PCDH15: variants seen among roughly 807,000 people sequenced by gnomAD.
The protein encoded by PCDH15 is protocadherin related 15.
A neutral mutation model predicts 178.5 loss-of-function variants in PCDH15; 129 were observed. The observed-to-expected ratio is 0.72, with a 90% confidence interval of 0.63 to 0.84. The LOEUF (loss-of-function observed/expected upper bound fraction) is 0.84, where lower values mean the gene tolerates loss of function less well. Ranked by LOEUF, PCDH15 falls within the 40% of genes least tolerant of loss-of-function variation. The probability of loss-of-function intolerance (pLI) is 0.00; values close to 1 mark genes in which losing one functional copy is unlikely to be tolerated. For missense variants in PCDH15, 2,230 were observed against 2,099.9 expected (o/e 1.06, Z -1.21); for synonymous variants, 800 against 732.0 (o/e 1.09, Z -1.50).
chr10:55,398,674 C>A (rs888653789), intron 2 of PCDH15, among the ~76,000 whole-genome samples: 1 of 152,102 alleles, frequency 6.6e-6, no homozygotes, highest in Admixed American at 6.5e-5. Flanking sequence ...CCTTTCATTG[C>A]ACTACTCACC....
chr10:55,412,673 C>T (rs1565112666), intron 2 of PCDH15, among the ~76,000 whole-genome samples: 1 of 151,746 alleles, frequency 6.6e-6, no homozygotes, highest in Non-Finnish European at 1.5e-5. Context: ...GAGAGGTTAA[C>T]ACAAAACTCT....
intron 18 of PCDH15, among the ~76,000 whole-genome samples, chr10:54,044,075 G>T (rs1384156896): frequency 6.6e-6 from 1 of 152,212 alleles, no homozygotes; most frequent in East Asian, 1.9e-4. Flanking sequence ...ATGCCTTATA[G>T]TATTGGCAGC....
At chr10:54,998,395 T>TA (rs891140964) in intron 2 of PCDH15, among the ~76,000 whole-genome samples, 34 of 151,690 alleles carry the variant, frequency 2.2e-4, no homozygotes, top group African/African-American at 8.0e-4. Flanking sequence ...TAAATAATAA[T>TA]AAAAAAAAGA....
intron 21 of PCDH15, among the ~76,000 whole-genome samples, chr10:53,994,325 T>C (rs1055784523): frequency 3.9e-5 from 6 of 152,184 alleles, no homozygotes; most frequent in African/African-American, 1.4e-4. Context: ...TCTGTGCTGA[T>C]GAAAATTTTT....
intron 2 of PCDH15, among the ~76,000 whole-genome samples, chr10:54,529,049 G>A (rs185895914): frequency 6.6e-6 from 1 of 152,068 alleles, no homozygotes; most frequent in Admixed American, 6.6e-5. Flanking sequence ...CCAAATTTGT[G>A]TGTTATTTGG....
intron 2 of PCDH15, among the ~76,000 whole-genome samples, chr10:55,459,241 A>AAG (rs1554872423): frequency 7.4e-6 from 1 of 134,242 alleles, no homozygotes; most frequent in Non-Finnish European, 1.5e-5. Context: ...GCAAAAAAAA[A>AAG]AAAGAAGGAA....
chr10:55,512,849 G>A (rs1840917238), intron 2 of PCDH15: 1 of 152,022 alleles, frequency 6.6e-6, no homozygotes, highest in African/African-American at 2.4e-5. Context: ...CTCCTCTACA[G>A]GAAACCAAGA....
chr10:54,766,794 T>C (rs1443561279), intron 1 of PCDH15, among the ~76,000 whole-genome samples: 1 of 151,932 alleles, frequency 6.6e-6, no homozygotes, highest in Non-Finnish European at 1.5e-5. Flanking sequence ...CCAGGCGCGG[T>C]GGCAGGCGCC....
intron 28 of PCDH15, among the ~76,000 whole-genome samples, chr10:53,853,690 G>C (rs2078542942): frequency 6.6e-6 from 1 of 151,968 alleles, no homozygotes; most frequent in Admixed American, 6.6e-5. Flanking sequence ...ATAACCATCA[G>C]AGAAATCAAA....
intron 8 of PCDH15, among the ~76,000 whole-genome samples, chr10:54,311,749 A>T (rs1238517787): frequency 6.6e-6 from 1 of 152,098 alleles, no homozygotes; most frequent in Non-Finnish European, 1.5e-5. Context: ...TTGTGAAAAC[A>T]TTAATTTGCC....
At chr10:55,372,149 C>A (rs997071989) in intron 2 of PCDH15, among the ~76,000 whole-genome samples, 4 of 152,052 alleles carry the variant, frequency 2.6e-5, no homozygotes, top group Non-Finnish European at 5.9e-5. Context: ...ATCTTCATAA[C>A]AAACCTGGAA....
intron 2 of PCDH15, among the ~76,000 whole-genome samples, chr10:54,910,779 G>T (rs1347070881): frequency 6.6e-6 from 1 of 152,098 alleles, no homozygotes; most frequent in Non-Finnish European, 1.5e-5. Flanking sequence ...TTAACTATTT[G>T]TTGAATAAAT....
rs371850716 is a variant in PCDH15, at chr10:54,382,093, T to G, written c.158-3151A>C. On this transcript the variant is annotated intron_variant, in intron 3 of 37. Coordinates refer to ENST00000644397, the MANE Select transcript of PCDH15 (RefSeq NM_001384140.1). ...AAAAATATTAGCACAGTTAAATATT[T>G]ATTGACATTTTCAACACATTTCTTG... 1.6e-4 allele frequency among the ~76,000 whole-genome samples: 25 copies of G among 152,274 alleles called. No individual in the cohort carries two copies. The South Asian group carries it at 5.2e-3, about 32-fold the overall frequency.
chr10:54,892,975 A>T (rs1190583200), intron 3 of PCDH15, among the ~76,000 whole-genome samples: 3 of 152,094 alleles, frequency 2.0e-5, no homozygotes, highest in Non-Finnish European at 4.4e-5. Flanking sequence ...AATGTAATAT[A>T]ATACATCTCC....
At chr10:54,414,836 AT>A (rs1954084497) in intron 3 of PCDH15, among the ~76,000 whole-genome samples, 2 of 152,116 alleles carry the variant, frequency 1.3e-5, no homozygotes, top group African/African-American at 4.8e-5. Context: ...ATGATATAAG[AT>A]TTAGGCTGGC....
At chr10:55,114,089 C>T (rs369921769) in intron 2 of PCDH15, among the ~76,000 whole-genome samples, 4 of 152,130 alleles carry the variant, frequency 2.6e-5, no homozygotes, top group African/African-American at 9.7e-5. Context: ...GCTGGGACTA[C>T]AGGCACCCGC....
chr10:55,443,015 A>C (rs908708326), intron 2 of PCDH15, among the ~76,000 whole-genome samples: 1 of 152,178 alleles, frequency 6.6e-6, no homozygotes, highest in Non-Finnish European at 1.5e-5. Flanking sequence ...GTAGTCATAA[A>C]TGAAAAGTGC....
intron 2 of PCDH15, among the ~76,000 whole-genome samples, chr10:54,937,024 C>G (rs1837923967): frequency 6.6e-6 from 1 of 151,830 alleles, no homozygotes; most frequent in Admixed American, 6.6e-5. Flanking sequence ...TTTTGTGCAT[C>G]GCGTAAGGAA....
At chr10:54,147,016 T>TAATGTATATATATAGTGTATATATAAC (rs1491305720) in intron 14 of PCDH15, among the ~76,000 whole-genome samples, 789 of 78,092 alleles carry the variant, frequency 0.01, 12 homozygotes, top group Middle Eastern at 0.021. Flanking sequence ...GTATATATAA[T>TAATGTATATATATAGTGTATATATAAC]GTGTATATAT....
Sources: gnomAD v4.1 joint callset for allele counts (sites outside exome capture counted in the v4.1 genomes callset) on GRCh38, gnomAD v4.1.1 for gene constraint, MANE v1.5 for transcripts, NCBI Gene and HGNC (gene_info 2026-07-23, HGNC 2026-07-21) for gene names.